BRINP3: variants seen among roughly 807,000 people sequenced by gnomAD.
The protein encoded by BRINP3 is BMP/retinoic acid inducible neural specific 3.
A neutral mutation model predicts 71.0 loss-of-function variants in BRINP3; 19 were observed. That is an observed-to-expected ratio of 0.27 (90% CI 0.19 to 0.39). The LOEUF is 0.39. Among genes scored for constraint, BRINP3 ranks in the 10% least tolerant of loss-of-function variants. The pLI is 1.00. For missense variants in BRINP3, 959 were observed against 940.8 expected (o/e 1.02, Z -0.25); for synonymous variants, 380 against 337.7 (o/e 1.13, Z -1.37).
intron 2 of BRINP3, among the ~76,000 whole-genome samples, chr1:190,283,539 C>T (rs1663195711): frequency 6.6e-6 from 1 of 151,200 alleles, no homozygotes; most frequent in African/African-American, 2.4e-5. Context: ...TCTTTCCAAA[C>T]CTAAGTTGAT....
rs1009927876 is a variant in BRINP3, at chr1:190,186,811, G to GA, written c.962-25922dup. Among the ~76,000 whole-genome samples, 438 of 148,054 alleles carry GA rather than the reference G, an allele frequency of 3.0e-3. 1 individual carries two copies. Among genetic ancestry groups the GA allele is most frequent in the African/African-American group, 0.01 (406 of 40,484 alleles). ...GCTTGGTAAAGTGGTATGGTAAATA[G>GA]AAAAAAAAAATAACTCTTTTTAAGA... On this transcript the variant is annotated intron_variant, in intron 6 of 7. Coordinates refer to ENST00000367462, the MANE Select transcript of BRINP3 (RefSeq NM_199051.3).
intron 1 of BRINP3, among the ~76,000 whole-genome samples, chr1:190,456,186 T>C (rs1302814966): frequency 1.3e-5 from 2 of 152,208 alleles, no homozygotes; most frequent in African/African-American, 4.8e-5. Flanking sequence ...ACCCCATTAT[T>C]TGTATTTAAT....
intron 2 of BRINP3, among the ~76,000 whole-genome samples, chr1:190,331,883 G>A (rs1316418962): frequency 2.0e-5 from 3 of 151,932 alleles, no homozygotes; most frequent in Non-Finnish European, 4.4e-5. Context: ...TTATAGACAT[G>A]TTGATGGCAG....
chr1:190,185,560 C>T (rs928985254), intron 6 of BRINP3, among the ~76,000 whole-genome samples: 1 of 152,074 alleles, frequency 6.6e-6, no homozygotes, highest in African/African-American at 2.4e-5. Context: ...TAAGCTGGCA[C>T]AGAAATCTAC....
intron 2 of BRINP3, among the ~76,000 whole-genome samples, chr1:190,303,661 G>T (rs149076797): frequency 5.3e-5 from 8 of 151,688 alleles, no homozygotes; most frequent in African/African-American, 1.9e-4. Flanking sequence ...ACTTCTGAAA[G>T]AACTAGGTCA....
At chr1:190,470,731 G>A (rs1282716732) in intron 1 of BRINP3, among the ~76,000 whole-genome samples, 1 of 150,994 alleles carries the variant, frequency 6.6e-6, no homozygotes, top group South Asian at 2.1e-4. Flanking sequence ...ATACAATCAT[G>A]GTTGAATATA....
At chr1:190,159,411 T>C (rs1201657917) in intron 7 of BRINP3, among the ~76,000 whole-genome samples, 1 of 152,104 alleles carries the variant, frequency 6.6e-6, no homozygotes, top group Non-Finnish European at 1.5e-5. Flanking sequence ...TAAAAAAGTG[T>C]ACATGAATGT....
At chr1:190,435,308 A>G (rs1195709313) in intron 2 of BRINP3, among the ~76,000 whole-genome samples, 1 of 152,088 alleles carries the variant, frequency 6.6e-6, no homozygotes, top group Non-Finnish European at 1.5e-5. Flanking sequence ...AACTTTTGAC[A>G]CTTTAAAAAA....
chr1:190,175,893 G>T (rs1652461268), intron 6 of BRINP3, among the ~76,000 whole-genome samples: 2 of 152,024 alleles, frequency 1.3e-5, no homozygotes, highest in African/African-American at 2.4e-5. Context: ...TCAGTGTTGA[G>T]CTCTGCAGGA....
intron 4 of BRINP3, among the ~76,000 whole-genome samples, chr1:190,263,716 G>A (rs997983104): frequency 6.6e-6 from 1 of 150,922 alleles, no homozygotes; most frequent in African/African-American, 2.4e-5. Flanking sequence ...CAGCCTCCCA[G>A]TAGCTGGGAC....
At chr1:190,164,003 A>G (rs964707858) in intron 6 of BRINP3, among the ~76,000 whole-genome samples, 4 of 152,144 alleles carry the variant, frequency 2.6e-5, no homozygotes, top group Non-Finnish European at 4.4e-5. Context: ...ACTATATTAA[A>G]TTATCTTATG....
intron 6 of BRINP3, among the ~76,000 whole-genome samples, chr1:190,166,468 G>C (rs1651548168): frequency 6.6e-6 from 1 of 152,104 alleles, no homozygotes; most frequent in South Asian, 2.1e-4. Flanking sequence ...TTATCTCTTA[G>C]AAGCTGGAAA....
chr1:190,333,977 A>G (rs986904922), intron 2 of BRINP3, among the ~76,000 whole-genome samples: 1 of 151,868 alleles, frequency 6.6e-6, no homozygotes, highest in Non-Finnish European at 1.5e-5. Context: ...AATACTTCCA[A>G]TAACTACTTA....
At chr1:190,260,254 T>C (rs971900806) in intron 4 of BRINP3, among the ~76,000 whole-genome samples, 2 of 151,968 alleles carry the variant, frequency 1.3e-5, no homozygotes, top group African/African-American at 4.8e-5. Flanking sequence ...TTAAAAATAT[T>C]GTATCACCTA....
At chr1:190,434,023 A>G (rs1201190129) in intron 2 of BRINP3, among the ~76,000 whole-genome samples, 1 of 152,174 alleles carries the variant, frequency 6.6e-6, no homozygotes, top group Non-Finnish European at 1.5e-5. Context: ...AGACCACACT[A>G]GGAGTAATAT....
At chr1:190,392,539 G>C (rs1671317428) in intron 2 of BRINP3, among the ~76,000 whole-genome samples, 1 of 151,398 alleles carries the variant, frequency 6.6e-6, no homozygotes. Flanking sequence ...GTTTCGATAG[G>C]GTGGAACATG....
intron 3 of BRINP3, among the ~76,000 whole-genome samples, chr1:190,271,919 TGGAAAGTGACACATAACAAG>T (rs1662144142): frequency 1.3e-5 from 2 of 151,512 alleles, no homozygotes; most frequent in East Asian, 3.9e-4. Flanking sequence ...ATGATACAAC[TGGAAAGTGACACATAACAAG>T]AAGTAGGGAT....
rs1016138983 is a variant in BRINP3, at chr1:190,110,729, T to C, written c.1185-11595A>G. 7.2e-5 allele frequency among the ~76,000 whole-genome samples: 11 copies of C among 152,248 alleles called. 1 individual carries two copies. In the South Asian group the frequency reaches 2.3e-3, roughly 32 times the overall value. ...GGCAACTCACCTCAGCTGATGTTTGTGGCCATTAGGAATAGATTTTTAGGT... is the reference window on the plus strand; with the variant it reads ...GGCAACTCACCTCAGCTGATGTTTGCGGCCATTAGGAATAGATTTTTAGGT... On this transcript the variant is annotated intron_variant, in intron 7 of 7. Coordinates refer to ENST00000367462, the MANE Select transcript of BRINP3 (RefSeq NM_199051.3).
chr1:190,262,926 T>A (rs1246905691), intron 4 of BRINP3, among the ~76,000 whole-genome samples: 1 of 152,120 alleles, frequency 6.6e-6, no homozygotes, highest in Non-Finnish European at 1.5e-5. Context: ...TATATATATT[T>A]CTTTTTTTGT....
Sources: gnomAD v4.1 joint callset for allele counts (sites outside exome capture counted in the v4.1 genomes callset) on GRCh38, gnomAD v4.1.1 for gene constraint, MANE v1.5 for transcripts, NCBI Gene and HGNC (gene_info 2026-07-23, HGNC 2026-07-21) for gene names.